The following DLG2 variants were observed in gnomAD, a reference collection of about 807,000 sequenced individuals.
DLG2 encodes disks large homolog 2.
A neutral mutation model predicts 132.5 loss-of-function variants in DLG2; 45 were observed. The observed-to-expected ratio is 0.34, with a 90% confidence interval of 0.27 to 0.44. The LOEUF is 0.44. Among genes scored for constraint, DLG2 ranks in the 20% least tolerant of loss-of-function variants. The probability of loss-of-function intolerance (pLI) is 1.00; values close to 1 mark genes in which losing one functional copy is unlikely to be tolerated. For synonymous variants in DLG2, 424 were observed against 419.6 expected (o/e 1.01, Z -0.13); for missense variants, 1,045 against 1,196.9 (o/e 0.87, Z 1.87).
At chr11:85,529,938 T>C (rs1434422890) in intron 3 of DLG2, among the ~76,000 whole-genome samples, 1 of 152,094 alleles carries the variant, frequency 6.6e-6, no homozygotes, top group Admixed American at 6.6e-5. Flanking sequence ...TTTACCACTT[T>C]CTCTTCTAGC....
chr11:84,210,139 T>C (rs2096732262), intron 8 of DLG2, among the ~76,000 whole-genome samples: 1 of 151,562 alleles, frequency 6.6e-6, no homozygotes. Flanking sequence ...AAAAATTATA[T>C]GGTCATGGTG....
At chr11:84,071,051 T>A (rs1264077769) in intron 10 of DLG2, among the ~76,000 whole-genome samples, 1 of 152,154 alleles carries the variant, frequency 6.6e-6, no homozygotes, top group Non-Finnish European at 1.5e-5. Context: ...TTTAACATAT[T>A]TTTATTTTAA....
Position 85,072,360 on chromosome 11 carries a change from C to T in DLG2, c.357+39301G>A, listed in dbSNP as rs535296458. On this transcript the variant is annotated intron_variant, in intron 6 of 27. Coordinates refer to ENST00000376104, the MANE Select transcript of DLG2 (RefSeq NM_001142699.3). ...GAGTCCTACTGTGAAAATTTTACTA[C>T]GCTCACTCTCCCCTCAAAGAGATTC... Among the ~76,000 whole-genome samples the T allele has an allele frequency of 3.3e-5, 5 of 151,868 alleles. No homozygotes were observed. The East Asian group carries it at 5.9e-4, about 18-fold the overall frequency.
At chr11:85,563,864 G>C (rs1400165226) in intron 3 of DLG2, among the ~76,000 whole-genome samples, 1 of 151,986 alleles carries the variant, frequency 6.6e-6, no homozygotes, top group Non-Finnish European at 1.5e-5. Flanking sequence ...AAAATAATAA[G>C]TTTAACTTTT....
intron 17 of DLG2, among the ~76,000 whole-genome samples, chr11:83,788,665 G>A (rs2040670624): frequency 6.6e-6 from 1 of 152,340 alleles, no homozygotes; most frequent in Middle Eastern, 3.4e-3. Flanking sequence ...ACAGGAGGCT[G>A]AATTGCACAA....
chr11:84,750,138 C>T (rs2065917781), intron 6 of DLG2, among the ~76,000 whole-genome samples: 1 of 152,058 alleles, frequency 6.6e-6, no homozygotes. Flanking sequence ...AGATGGTAGA[C>T]TTTGCTCTGT....
intron 18 of DLG2, among the ~76,000 whole-genome samples, chr11:83,716,185 T>C (rs1223466237): frequency 6.6e-6 from 1 of 152,168 alleles, no homozygotes; most frequent in Non-Finnish European, 1.5e-5. Flanking sequence ...TGTTTTTTTG[T>C]TTGTTTTTTC....
intron 6 of DLG2, among the ~76,000 whole-genome samples, chr11:84,860,342 C>G (rs1276696778): frequency 6.6e-6 from 1 of 152,054 alleles, no homozygotes; most frequent in South Asian, 2.1e-4. Context: ...CCAGTGGGGA[C>G]AAGTACAATA....
chr11:84,065,398 G>A lies in DLG2; in HGVS notation c.750-5914C>T, dbSNP rs2096655947. ...AAACCAAATAACACCATTAAAAAGTGCATAAAGGACATGAACAGACACTTT... is the reference window on the plus strand; with the variant it reads ...AAACCAAATAACACCATTAAAAAGTACATAAAGGACATGAACAGACACTTT... On this transcript the variant is annotated intron_variant, in intron 10 of 27. Coordinates refer to ENST00000376104, the MANE Select transcript of DLG2 (RefSeq NM_001142699.3). Among the ~76,000 whole-genome samples, 5 of 152,234 alleles carry A rather than the reference G, an allele frequency of 3.3e-5. No individual in the cohort carries two copies. The South Asian group carries it at 8.3e-4, about 25-fold the overall frequency.
intron 6 of DLG2, among the ~76,000 whole-genome samples, chr11:85,056,866 A>G (rs2063516457): frequency 1.3e-5 from 2 of 152,110 alleles, no homozygotes; most frequent in East Asian, 3.9e-4. Context: ...ACAATTCAAA[A>G]ACGTAGGCAA....
intron 7 of DLG2, among the ~76,000 whole-genome samples, chr11:84,278,758 C>T (rs879264078): frequency 1.3e-5 from 2 of 151,828 alleles, no homozygotes; most frequent in South Asian, 2.1e-4. Context: ...TTGAACACCT[C>T]GTTAACTATT....
At position 83,854,073 on chromosome 11, in the gene DLG2, T is replaced by C. The variant is rs183163733; in HGVS notation, c.1566-20303A>G. On this transcript the variant is annotated intron_variant, in intron 16 of 27. Transcript: ENST00000376104. Reference sequence around the variant, plus strand: ...AGTACAAAAAAGCCAATTAATTTCCTATATGCTAATGATGAAAAAGCGAAA... The same window carrying C: ...AGTACAAAAAAGCCAATTAATTTCCCATATGCTAATGATGAAAAAGCGAAA... 3.9e-5 allele frequency among the ~76,000 whole-genome samples: 6 copies of C among 152,282 alleles called. No individual in the cohort carries two copies. The East Asian group carries it at 9.6e-4, about 24-fold the overall frequency.
Position 83,670,215 on chromosome 11 carries a change from T to C in DLG2, c.1826-36890A>G, listed in dbSNP as rs1193605436. ...ACTCTGTAGACTTTTCTCCAGTTAA[T>C]GTGCTTTTATCATTTCCAGGCTTCT... On this transcript the variant is annotated intron_variant, in intron 18 of 27. Transcript: ENST00000376104. Among the ~76,000 whole-genome samples the C allele has an allele frequency of 6.6e-5, 10 of 152,344 alleles. No individual in the cohort carries two copies. The East Asian group carries it at 1.7e-3, about 26-fold the overall frequency.
intron 6 of DLG2, among the ~76,000 whole-genome samples, chr11:84,647,239 A>G (rs1466177933): frequency 6.6e-6 from 1 of 152,182 alleles, no homozygotes; most frequent in Non-Finnish European, 1.5e-5. Context: ...CAGTTGAAGA[A>G]ACAGTGGGAG....
At position 85,105,371 on chromosome 11, in the gene DLG2, A is replaced by C. The variant is rs1481462635; in HGVS notation, c.357+6290T>G. ...GATAGGAAACTGGTGTAAGTCTAAA[A>C]TACTGTAAGGGCCAGAGCTTAGGGA... On this transcript the variant is annotated intron_variant, in intron 6 of 27. Coordinates refer to ENST00000376104, the MANE Select transcript of DLG2 (RefSeq NM_001142699.3). Among the ~76,000 whole-genome samples the C allele has an allele frequency of 2.6e-5, 4 of 151,974 alleles. No individual in the cohort carries two copies. The East Asian group carries it at 7.8e-4, about 29-fold the overall frequency.
At chr11:83,474,815 TC>T (rs2092454040) in intron 22 of DLG2, among the ~76,000 whole-genome samples, 1 of 152,134 alleles carries the variant, frequency 6.6e-6, no homozygotes, top group African/African-American at 2.4e-5. Flanking sequence ...ATAGAGCACA[TC>T]AAGTTCCCAT....
chr11:84,130,300 T>G (rs1431838962), intron 9 of DLG2, among the ~76,000 whole-genome samples: 1 of 151,812 alleles, frequency 6.6e-6, no homozygotes, highest in Non-Finnish European at 1.5e-5. Flanking sequence ...GAAACACAAG[T>G]TAAACATTTG....
chr11:83,894,453 T>A (rs1442179409), intron 15 of DLG2, among the ~76,000 whole-genome samples: 1 of 151,830 alleles, frequency 6.6e-6, no homozygotes, highest in East Asian at 1.9e-4. Context: ...AAACAAAAAT[T>A]TTTTAAAGAT....
chr11:83,866,106 A>G (rs1419629591), intron 16 of DLG2, among the ~76,000 whole-genome samples: 2 of 152,054 alleles, frequency 1.3e-5, no homozygotes, highest in Non-Finnish European at 2.9e-5. Flanking sequence ...TGACACAGTA[A>G]CAGATTTATA....
Sources: gnomAD v4.1 joint callset for allele counts (sites outside exome capture counted in the v4.1 genomes callset) on GRCh38, gnomAD v4.1.1 for gene constraint, MANE v1.5 for transcripts, NCBI Gene and HGNC (gene_info 2026-07-23, HGNC 2026-07-21) for gene names.